The following POFUT3 variants were observed in gnomAD, a reference collection of about 807,000 sequenced individuals.
The protein encoded by POFUT3 is protein O-fucosyltransferase 3, also known as GDP-fucose protein O-fucosyltransferase 3.
At chr8:33,464,394 C>T in the POFUT3 span, among the ~76,000 whole-genome samples, 1 of 152,196 alleles carries the variant, frequency 6.6e-6, no homozygotes, top group Admixed American at 6.5e-5. Context: ...ACTCCACTCT[C>T]ATTTTCAAAT....
At chr8:33,447,341 C>T in the POFUT3 span, among the ~76,000 whole-genome samples, 2 of 151,834 alleles carry the variant, frequency 1.3e-5, no homozygotes, top group Non-Finnish European at 2.9e-5. Context: ...CCCAGCTACT[C>T]GAGAGGCTGA....
At chr8:33,448,722 T>G in the POFUT3 span, among the ~76,000 whole-genome samples, 2 of 151,972 alleles carry the variant, frequency 1.3e-5, no homozygotes, top group African/African-American at 2.4e-5. Context: ...TCACTTGAGG[T>G]CAGGAGTTCA....
chr8:33,390,191 G>C, the POFUT3 span, among the ~76,000 whole-genome samples: 2 of 148,798 alleles, frequency 1.3e-5, no homozygotes, highest in African/African-American at 2.6e-5. Context: ...AAATATATGT[G>C]TGTGTGTGTG....
chr8:33,387,624 T>C, the POFUT3 span, among the ~76,000 whole-genome samples: 3 of 152,128 alleles, frequency 2.0e-5, no homozygotes, highest in East Asian at 5.8e-4. Flanking sequence ...GCCAACATGG[T>C]GAAACCCCGT....
At chr8:33,444,459 G>A in the POFUT3 span, among the ~76,000 whole-genome samples, 3 of 152,162 alleles carry the variant, frequency 2.0e-5, no homozygotes, top group East Asian at 5.8e-4. Context: ...CTTGAATGAG[G>A]TGGGGTCACT....
At chr8:33,380,215 C>G in the POFUT3 span, among the ~76,000 whole-genome samples, 1,687 of 35,518 alleles carry the variant, frequency 0.047, 84 homozygotes, top group East Asian at 0.29. Flanking sequence ...TATATATATA[C>G]TATATATATA....
the POFUT3 span, among the ~76,000 whole-genome samples, chr8:33,379,398 A>G: frequency 6.6e-6 from 1 of 152,138 alleles, no homozygotes; most frequent in Non-Finnish European, 1.5e-5. Context: ...ATCAAAAAAA[A>G]AAAAATCATG....
At chr8:33,444,655 T>C in the POFUT3 span, among the ~76,000 whole-genome samples, 1 of 151,858 alleles carries the variant, frequency 6.6e-6, no homozygotes, top group Non-Finnish European at 1.5e-5. Flanking sequence ...CCGTCTTTAC[T>C]AAAAATACAA....
the POFUT3 span, among the ~76,000 whole-genome samples, chr8:33,310,571 G>C: frequency 6.6e-6 from 1 of 151,742 alleles, no homozygotes; most frequent in Non-Finnish European, 1.5e-5. Context: ...TTAGCATCCA[G>C]TCCCAGCTAC....
At chr8:33,442,046 T>C in the POFUT3 span, among the ~76,000 whole-genome samples, 1 of 151,916 alleles carries the variant, frequency 6.6e-6, no homozygotes, top group East Asian at 2.0e-4. Flanking sequence ...GCCTCCTGGA[T>C]TCAAGCGATT....
chr8:33,367,171 T>G, the POFUT3 span, among the ~76,000 whole-genome samples: 1 of 152,128 alleles, frequency 6.6e-6, no homozygotes, highest in Non-Finnish European at 1.5e-5. Context: ...AAACAAAATC[T>G]CTGCAGCACT....
At chr8:33,310,849 A>G in the POFUT3 span, among the ~76,000 whole-genome samples, 44 of 152,346 alleles carry the variant, frequency 2.9e-4, no homozygotes, top group African/African-American at 1.1e-3. Flanking sequence ...AGCAGGCAAG[A>G]AATTGAAACT....
the POFUT3 span, among the ~76,000 whole-genome samples, chr8:33,344,963 G>A: frequency 3.9e-5 from 6 of 152,136 alleles, no homozygotes; most frequent in East Asian, 7.7e-4. Context: ...TGGGTCCCAG[G>A]AATAAACAGA....
chr8:33,464,101 T>C, the POFUT3 span, among the ~76,000 whole-genome samples: 2 of 152,160 alleles, frequency 1.3e-5, no homozygotes, highest in Non-Finnish European at 2.9e-5. Context: ...GAGAATTTTA[T>C]GAGCTATGAT....
the POFUT3 span, among the ~76,000 whole-genome samples, chr8:33,397,483 T>C: frequency 6.6e-6 from 1 of 152,170 alleles, no homozygotes; most frequent in Non-Finnish European, 1.5e-5. Flanking sequence ...TACTCCTTGA[T>C]GCTACAGCTG....
At chr8:33,394,929 CT>C in the POFUT3 span, among the ~76,000 whole-genome samples, 1 of 152,194 alleles carries the variant, frequency 6.6e-6, no homozygotes, top group East Asian at 1.9e-4. Context: ...CAGCTTAGTA[CT>C]TTTTTTCTAA....
the POFUT3 span, among the ~76,000 whole-genome samples, chr8:33,339,475 C>A: frequency 1.3e-5 from 2 of 151,976 alleles, no homozygotes; most frequent in East Asian, 1.9e-4. Flanking sequence ...TATTTGGAAC[C>A]CTGGAAGGAA....
chr8:33,326,058 A>G, the POFUT3 span, among the ~76,000 whole-genome samples: 22 of 152,290 alleles, frequency 1.4e-4, no homozygotes, highest in East Asian at 4.1e-3. Context: ...GTCCTCTCTG[A>G]CACCTTCTAA....
At chr8:33,426,586 G>A in the POFUT3 span, among the ~76,000 whole-genome samples, 3 of 152,094 alleles carry the variant, frequency 2.0e-5, no homozygotes, top group African/African-American at 7.2e-5. Flanking sequence ...CCCATCCACT[G>A]GGCATACAAA....
Sources: gnomAD v4.1 joint callset for allele counts (sites outside exome capture counted in the v4.1 genomes callset) on GRCh38, gnomAD v4.1.1 for gene constraint, MANE v1.5 for transcripts, NCBI Gene and HGNC (gene_info 2026-07-23, HGNC 2026-07-21) for gene names.